Variants in GKAP1 observed in about 807,000 individuals in gnomAD.
GKAP1 encodes G kinase anchoring protein 1, also known as G kinase-anchoring protein 1.
In GKAP1, 31 loss-of-function variants were observed where a neutral mutation model predicts 56.7. That is an observed-to-expected ratio of 0.55 (90% CI 0.41 to 0.74). The LOEUF is 0.74. Ranked by LOEUF, GKAP1 falls within the 30% of genes least tolerant of loss-of-function variation. GKAP1 has a pLI of 0.00. For missense variants in GKAP1, 364 were observed against 402.3 expected (o/e 0.90, Z 0.82); for synonymous variants, 151 against 138.6 (o/e 1.09, Z -0.63).
chr9:83,750,102 G>T (rs1304318504), intron 9 of GKAP1, among the ~76,000 whole-genome samples: 1 of 152,108 alleles, frequency 6.6e-6, no homozygotes, highest in Non-Finnish European at 1.5e-5. Context: ...CAGTCTTCAT[G>T]GAGGTACCTC....
chr9:83,751,443 T>C (rs1943387614), intron 9 of GKAP1, among the ~76,000 whole-genome samples: 1 of 152,208 alleles, frequency 6.6e-6, no homozygotes, highest in Admixed American at 6.5e-5. Context: ...ACAAGCTTCT[T>C]GCTAACTCAT....
intron 8 of GKAP1, among the ~76,000 whole-genome samples, chr9:83,762,401 GA>G (rs1943588674): frequency 6.6e-6 from 1 of 152,010 alleles, no homozygotes. Flanking sequence ...CAAAACTGAA[GA>G]AGAGATGACA....
intron 7 of GKAP1, among the ~76,000 whole-genome samples, chr9:83,779,471 A>ACACACG (rs1564201465): frequency 7.7e-4 from 72 of 93,026 alleles, no homozygotes; most frequent in Admixed American, 1.1e-3. Flanking sequence ...ACACGCACAT[A>ACACACG]TACATATACA....
chr9:83,783,226 G>A (rs1944007082), intron 6 of GKAP1, among the ~76,000 whole-genome samples: 1 of 152,070 alleles, frequency 6.6e-6, no homozygotes, highest in African/African-American at 2.4e-5. Flanking sequence ...ATTCATATGA[G>A]TCAAATAAAA....
At chr9:83,787,180 T>C (rs1366497161) in intron 5 of GKAP1, among the ~76,000 whole-genome samples, 1 of 152,222 alleles carries the variant, frequency 6.6e-6, no homozygotes, top group African/African-American at 2.4e-5. Flanking sequence ...CAGCCCACTT[T>C]ATTAGCAACT....
chr9:83,776,424 G>T (rs889706702), intron 7 of GKAP1, among the ~76,000 whole-genome samples: 1 of 152,156 alleles, frequency 6.6e-6, no homozygotes. Flanking sequence ...TTTAGGCCAG[G>T]TGCAGTGGCT....
intron 9 of GKAP1, among the ~76,000 whole-genome samples, chr9:83,751,132 G>C (rs1263704393): frequency 6.6e-6 from 1 of 152,066 alleles, no homozygotes; most frequent in Non-Finnish European, 1.5e-5. Context: ...CACCATGCCC[G>C]GCCTAAAGAC....
chr9:83,782,355 ATTT>A (rs914777066), intron 6 of GKAP1, among the ~76,000 whole-genome samples: 1 of 135,804 alleles, frequency 7.4e-6, no homozygotes, highest in Non-Finnish European at 1.6e-5. Flanking sequence ...CTAATCTTGG[ATTT>A]TTTTTTTTTT....
At position 83,810,562 on chromosome 9, in the gene GKAP1, G is replaced by A. The variant is rs1944493744; in HGVS notation, c.-43-4002C>T. On this transcript the variant is annotated intron_variant, in intron 2 of 12. Coordinates refer to ENST00000376371, the MANE Select transcript of GKAP1 (RefSeq NM_025211.4). ...CCTTTAAATCTCTTTCCAGTTTTGG[G>A]AGAATGAGATGCCTCTGGTTCTTTA... Among the ~76,000 whole-genome samples, 6 of 152,038 alleles carry A rather than the reference G, an allele frequency of 3.9e-5. No individual in the cohort carries two copies. In the South Asian group the frequency reaches 8.3e-4, roughly 21 times the overall value.
chr9:83,804,954 C>T, intron 3 of GKAP1, among the ~76,000 whole-genome samples: 1 of 152,170 alleles, frequency 6.6e-6, no homozygotes, highest in East Asian at 1.9e-4. Context: ...GGCCACCACC[C>T]CATCTGGGAG....
intron 6 of GKAP1, among the ~76,000 whole-genome samples, chr9:83,782,873 T>C (rs956258894): frequency 3.3e-5 from 5 of 152,100 alleles, no homozygotes; most frequent in Non-Finnish European, 5.9e-5. Context: ...TTCACCATGT[T>C]GGCCAGGCTG....
At chr9:83,808,931 T>C (rs1006444330) in intron 2 of GKAP1, among the ~76,000 whole-genome samples, 2 of 152,212 alleles carry the variant, frequency 1.3e-5, no homozygotes, top group African/African-American at 2.4e-5. Context: ...TGAGATGGAA[T>C]TTCTATCAGC....
chr9:83,787,174 C>T lies in GKAP1; in HGVS notation c.438+1427G>A, dbSNP rs149642053. Among the ~76,000 whole-genome samples, 31 of 152,258 alleles carry T rather than the reference C, an allele frequency of 2.0e-4. No individual in the cohort carries two copies. In the East Asian group the frequency reaches 5.6e-3, roughly 27 times the overall value. On this transcript the variant is annotated intron_variant, in intron 5 of 12. Coordinates refer to ENST00000376371, the MANE Select transcript of GKAP1 (RefSeq NM_025211.4). ...ATGAAACACATATAATATATACAGC[C>T]CACTTTATTAGCAACTTTTTTCCTT...
chr9:83,743,681 T>C (rs79012022), intron 10 of GKAP1, among the ~76,000 whole-genome samples: 2,556 of 152,278 alleles, frequency 0.017, 65 homozygotes, highest in African/African-American at 0.059. Flanking sequence ...CAAAATTATA[T>C]TTCTCTGAAT....
At chr9:83,813,975 CTG>C (rs1454101041) in intron 2 of GKAP1, among the ~76,000 whole-genome samples, 2 of 152,108 alleles carry the variant, frequency 1.3e-5, no homozygotes, top group Non-Finnish European at 2.9e-5. Flanking sequence ...TGGTGCATGA[CTG>C]TGGTCCCAGC....
intron 8 of GKAP1, among the ~76,000 whole-genome samples, chr9:83,766,255 C>T (rs1295265777): frequency 6.6e-6 from 1 of 152,176 alleles, no homozygotes; most frequent in Non-Finnish European, 1.5e-5. Context: ...TTTCCTGAGG[C>T]CTCCCCAGCC....
At chr9:83,801,157 G>T (rs1413906627) in intron 3 of GKAP1, among the ~76,000 whole-genome samples, 1 of 152,116 alleles carries the variant, frequency 6.6e-6, no homozygotes, top group Non-Finnish European at 1.5e-5. Flanking sequence ...AAGAGGTGAA[G>T]ACACAGATAC....
At chr9:83,745,570 TG>T (rs1209820553) in intron 10 of GKAP1, among the ~76,000 whole-genome samples, 5 of 152,194 alleles carry the variant, frequency 3.3e-5, no homozygotes, top group Non-Finnish European at 7.4e-5. Context: ...CAGTGTTTTA[TG>T]GGGAGGAAAT....
In GKAP1 at chr9:83,799,340, A is replaced by G; in HGVS notation, c.217-12T>C. ...GCAAGATTCCTGAGCTATAAAACAA[A>G]CAAAAAATATATTAAATTCAGTTTA... On this transcript the variant is annotated splice_polypyrimidine_tract_variant and intron_variant, in intron 3 of 12. Transcript: ENST00000376371. 6.5e-7 allele frequency: 1 copy of G among 1,549,230 alleles called. No homozygotes were observed. Among genetic ancestry groups the G allele is most frequent in the Non-Finnish European group, 8.7e-7 (1 of 1,149,952 alleles).
Sources: allele counts gnomAD v4.1 joint callset (sites outside exome capture counted in the v4.1 genomes callset), GRCh38; gene constraint gnomAD v4.1.1; transcripts MANE v1.5; gene names NCBI Gene and HGNC (gene_info 2026-07-23, HGNC 2026-07-21).